Variants in GABBR1 observed in about 807,000 individuals in gnomAD.
GABBR1 encodes GABA-B receptor, R1 subunit.
A neutral mutation model predicts 117.7 loss-of-function variants in GABBR1; 35 were observed. The observed-to-expected ratio is 0.30, with a 90% confidence interval of 0.23 to 0.39. The LOEUF (loss-of-function observed/expected upper bound fraction) is 0.39. GABBR1 is among the 10% of genes least tolerant of loss of function. The probability of loss-of-function intolerance (pLI) is 1.00; values close to 1 mark genes in which losing one functional copy is unlikely to be tolerated. For missense variants in GABBR1, 709 were observed against 1,241.8 expected, an observed-to-expected ratio of 0.57 and a Z score of 6.45; for synonymous variants, 442 against 486.6, an observed-to-expected ratio of 0.91 and a Z score of 1.21.
Position 29,631,283 on chromosome 6 carries a change from T to G in GABBR1, c.289+113A>C. 9.4e-7 allele frequency: 1 copy of G among 1,062,204 alleles called. No homozygotes were observed. Among genetic ancestry groups the G allele is most frequent in the Non-Finnish European group, 1.4e-6 (1 of 710,874 alleles). 65.8% of individuals were successfully genotyped at this position (1,062,204 alleles called of 1,614,324 possible). ...TGTAGTAGTCATTCAATAAATGTAT[T>G]TGTGAATTTTGGTATACTGGATTTA... On this transcript the variant is annotated intron_variant, in intron 3 of 22. Transcript: ENST00000377034. The surrounding 1 kb of genome is among the most constrained non-coding windows in gnomAD (Gnocchi z 5.9).
At position 29,622,407 on chromosome 6, in the gene GABBR1, A is replaced by G; in HGVS notation, c.964-202T>C. On this transcript the variant is annotated intron_variant, in intron 8 of 22. Transcript: ENST00000377034. This position sits in a 1 kb window ranked among gnomAD's most constrained non-coding sequence, Gnocchi z 4.6. Reference sequence around the variant, plus strand: ...CTTAGGATGTGGATTCCAAGTGGGAAGGTGAATGGTGAGCCCCTGCTGAGG... The same window carrying G: ...CTTAGGATGTGGATTCCAAGTGGGAGGGTGAATGGTGAGCCCCTGCTGAGG... 1.7e-6 allele frequency: 1 copy of G among 585,932 alleles called. No individual in the cohort carries two copies. The highest frequency in any genetic ancestry group is 3.0e-6 in the Non-Finnish European group (1 of 328,492). The allele number at this position is 585,932 out of a possible 1,614,324, so 36.3% of individuals were successfully genotyped here. A position where few individuals can be genotyped will look rare whatever the true frequency, so the allele number is the denominator to read the frequency against.
chr6:29,609,129 A>C lies in GABBR1; in HGVS notation c.1859+100T>G. The C allele has an allele frequency of 1.1e-5, 12 of 1,098,580 alleles. No individual in the cohort carries two copies. Among genetic ancestry groups the C allele is most frequent in the Non-Finnish European group, 1.3e-5 (10 of 750,048 alleles). 68.1% of individuals were successfully genotyped at this position (1,098,580 alleles called of 1,614,324 possible). A position where few individuals can be genotyped will look rare whatever the true frequency, so the allele number is the denominator to read the frequency against. Reference sequence around the variant, plus strand: ...GTCAGAATGAAAAACTCCATGATACATGGCCATGGGAGTTACACAGGTTTT... The same window carrying C: ...GTCAGAATGAAAAACTCCATGATACCTGGCCATGGGAGTTACACAGGTTTT... On this transcript the variant is annotated intron_variant, in intron 15 of 22. Transcript: ENST00000377034. This position sits in a 1 kb window ranked among gnomAD's most constrained non-coding sequence, Gnocchi z 4.3.
In GABBR1 at chr6:29,620,766, G is replaced by C. The variant is rs139007459; in HGVS notation, c.1323+335C>G. ...ACAGTGCTCCTGTAAAGGTGTGCTT[G>C]AGTATACAAGCATCCATATTATCAT... is the stretch of plus-strand genomic sequence containing the variant. On this transcript the variant is annotated intron_variant, in intron 11 of 22. Transcript: ENST00000377034. The surrounding 1 kb of genome is among the most constrained non-coding windows in gnomAD (Gnocchi z 4.5). Among the ~76,000 whole-genome samples the C allele has an allele frequency of 2.5e-4, 38 of 152,258 alleles. No homozygotes were observed. Among genetic ancestry groups the C allele is most frequent in the African/African-American group, 8.7e-4 (36 of 41,538 alleles).
intron 11 of GABBR1, among the ~76,000 whole-genome samples, chr6:29,615,648 C>T (rs1024135667): frequency 6.6e-6 from 1 of 150,512 alleles, no homozygotes; most frequent in African/African-American, 2.4e-5. Context: ...GCACAGGGGG[C>T]TCACGCCTGT....
chr6:29,604,109 G>T lies in GABBR1; in HGVS notation c.2712+385C>A, dbSNP rs1162300622. 6.6e-6 allele frequency among the ~76,000 whole-genome samples: 1 copy of T among 152,016 alleles called. No homozygotes were observed. Among genetic ancestry groups the T allele is most frequent in the Non-Finnish European group, 1.5e-5 (1 of 68,002 alleles). On this transcript the variant is annotated intron_variant, in intron 22 of 22. Coordinates refer to ENST00000377034, the MANE Select transcript of GABBR1 (RefSeq NM_001470.4). The surrounding 1 kb of genome is among the most constrained non-coding windows in gnomAD (Gnocchi z 5.3). ...TGGGGCACAGTGAACGCCTGCCCAG[G>T]TCCTTTATGCTGGGGCTGCATGCTA...
chr6:29,621,675 A>T lies in GABBR1; in HGVS notation c.1131+77T>A. On this transcript the variant is annotated intron_variant, in intron 10 of 22. Transcript: ENST00000377034. The surrounding 1 kb of genome is among the most constrained non-coding windows in gnomAD (Gnocchi z 5.0). ...TCATATGCTATCAACTCAGGCACAG[A>T]TGCCAAGAGGAGGCCCCACAAGAAA... is the stretch of plus-strand genomic sequence containing the variant. 7.9e-7 allele frequency: 1 copy of T among 1,260,656 alleles called. No homozygotes were observed. Among genetic ancestry groups the T allele is most frequent in the Non-Finnish European group, 1.2e-6 (1 of 858,926 alleles). 78.1% of individuals were successfully genotyped at this position (1,260,656 alleles called of 1,614,324 possible).
At chr6:29,628,434 T>G (rs892598979) in intron 5 of GABBR1, among the ~76,000 whole-genome samples, 1 of 150,752 alleles carries the variant, frequency 6.6e-6, no homozygotes, top group Non-Finnish European at 1.5e-5. Context: ...GTCGATACAG[T>G]GAAGCACTGA....
At position 29,628,104 on chromosome 6, in the gene GABBR1, G is replaced by T. The variant is rs1395769151; in HGVS notation, c.497-458C>A. 191 of 319,900 alleles carry T rather than the reference G, an allele frequency of 6.0e-4. 1 individual carries two copies. Among genetic ancestry groups the T allele is most frequent in the Non-Finnish European group, 7.1e-4 (167 of 234,294 alleles). The allele number at this position is 319,900 out of a possible 1,614,324, so 19.8% of individuals were successfully genotyped here. ...CGGGCGGCGCGCGGCAGCGGGGGGT[G>T]GGGGGGCGGGCGGGAGCTGGGGAGG... On this transcript the variant is annotated intron_variant, in intron 5 of 22. Coordinates refer to ENST00000377034, the MANE Select transcript of GABBR1 (RefSeq NM_001470.4).
chr6:29,627,474 GT>G lies in GABBR1; in HGVS notation c.657+11del. ...GCCCCCACCTCCCACCCACCCCCAT[GT>G]CCAGGGCTACCTTGCTGTCGTGGTG... is the stretch of plus-strand genomic sequence containing the variant. On this transcript the variant is annotated intron_variant, in intron 6 of 22. Coordinates refer to ENST00000377034, the MANE Select transcript of GABBR1 (RefSeq NM_001470.4). This position sits in a 1 kb window ranked among gnomAD's most constrained non-coding sequence, Gnocchi z 4.4. 1 of 965,038 alleles carries G rather than the reference GT, an allele frequency of 1.0e-6. No homozygotes were observed. Among genetic ancestry groups the G allele is most frequent in the Non-Finnish European group, 1.5e-6 (1 of 660,844 alleles). The allele number at this position is 965,038 out of a possible 1,614,324, so 59.8% of individuals were successfully genotyped here. A position where few individuals can be genotyped will look rare whatever the true frequency, so the allele number is the denominator to read the frequency against.
intron 11 of GABBR1, among the ~76,000 whole-genome samples, chr6:29,616,671 C>T (rs114536520): frequency 0.028 from 4,213 of 149,842 alleles, 95 homozygotes; most frequent in Non-Finnish European, 0.042. Flanking sequence ...GGCAACAGAG[C>T]AAGACTCTAT....
chr6:29,629,002 C>G, intron 5 of GABBR1, 85 bp downstream of exon 5: 1 of 1,537,784 alleles, frequency 6.5e-7, no homozygotes. Flanking sequence ...GCCCCGTAGC[C>G]TAAGGGCAGA....
chr6:29,626,406 G>A (rs1301750296), intron 6 of GABBR1, among the ~76,000 whole-genome samples: 4 of 151,718 alleles, frequency 2.6e-5, no homozygotes, highest in Non-Finnish European at 4.4e-5. Context: ...AAGTCTCTGG[G>A]GCCACATGTC....
chr6:29,632,246 C>G lies in GABBR1; in HGVS notation c.85+55G>C, dbSNP rs1438220110. 4 of 1,040,022 alleles carry G rather than the reference C, an allele frequency of 3.8e-6. No individual in the cohort carries two copies. The highest frequency in any genetic ancestry group is 5.3e-6 in the Non-Finnish European group (4 of 755,772). 64.4% of individuals were successfully genotyped at this position (1,040,022 alleles called of 1,614,324 possible). ...GATGAGGACCAGAAATGAGGAGATG[C>G]AGGGAAAGGGAAGTGGAGCGAAGGA... On this transcript the variant is annotated intron_variant, in intron 2 of 22. Transcript: ENST00000377034. The surrounding 1 kb of genome is among the most constrained non-coding windows in gnomAD (Gnocchi z 5.8).
At chr6:29,615,992 C>G (rs1034274296) in intron 11 of GABBR1, among the ~76,000 whole-genome samples, 2 of 151,184 alleles carry the variant, frequency 1.3e-5, no homozygotes, top group Non-Finnish European at 3.0e-5. Context: ...ACCTGAGGTC[C>G]GGAGTTCGAG....
At position 29,631,083 on chromosome 6, in the gene GABBR1, T is replaced by G. The variant is rs1164759527; in HGVS notation, c.289+313A>C. Among the ~76,000 whole-genome samples, 1 of 152,178 alleles carries G rather than the reference T, an allele frequency of 6.6e-6. No homozygotes were observed. Among genetic ancestry groups the G allele is most frequent in the Admixed American group, 6.5e-5 (1 of 15,288 alleles). On this transcript the variant is annotated intron_variant, in intron 3 of 22. Transcript: ENST00000377034. The surrounding 1 kb of genome is among the most constrained non-coding windows in gnomAD (Gnocchi z 5.9). ...GGTATTCAAAAATGTGATGAAATCA[T>G]TTTAGAATTTTTTTGTCATCATCTG...
In GABBR1 at chr6:29,630,648, G is replaced by A; in HGVS notation, c.290-5C>T. 6.3e-7 allele frequency: 1 copy of A among 1,598,226 alleles called. No individual in the cohort carries two copies. Among genetic ancestry groups the A allele is most frequent in the African/African-American group, 1.3e-5 (1 of 74,742 alleles). ...AAGACTTGGAGCAGATTCGGACTGT[G>A]GAGAGATAGGAAAATAAGAAGAGAG... is the stretch of plus-strand genomic sequence containing the variant. On this transcript the variant is annotated splice_region_variant and splice_polypyrimidine_tract_variant and intron_variant, in intron 3 of 22. Coordinates refer to ENST00000377034, the MANE Select transcript of GABBR1 (RefSeq NM_001470.4). This position sits in a 1 kb window ranked among gnomAD's most constrained non-coding sequence, Gnocchi z 4.9.
rs1257177278 is a variant in GABBR1, at chr6:29,611,891, TCTAA to T, written c.1630+656_1630+659del. Among the ~76,000 whole-genome samples, 1 of 151,960 alleles carries T rather than the reference TCTAA, an allele frequency of 6.6e-6. No individual in the cohort carries two copies. Among genetic ancestry groups the T allele is most frequent in the Non-Finnish European group, 1.5e-5 (1 of 67,994 alleles). ...TTCTCCTAGATTCAGCTTTCTTGAG[TCTAA>T]CTGACAGGTCATCAACCTCTCAACC... is the stretch of plus-strand genomic sequence containing the variant. On this transcript the variant is annotated intron_variant, in intron 13 of 22. Coordinates refer to ENST00000377034, the MANE Select transcript of GABBR1 (RefSeq NM_001470.4). This position sits in a 1 kb window ranked among gnomAD's most constrained non-coding sequence, Gnocchi z 4.6.
Position 29,630,600 on chromosome 6 carries a change from C to T in GABBR1, c.333G>A (p.Lys111=), listed in dbSNP as rs1188580025. ...GGAGGTCCCCACCCGTCAGGAAAAC[C>T]TTCCCATTTTCCAGGGTCAAATAAG... ...SKSYLTLENG[K]VFLTGGDLPA... The change falls in exon 4 of 23, where the codon AAG becomes AAA. Residue 111 remains lysine, a synonymous_variant. Transcript: ENST00000377034. This position sits in a 1 kb window ranked among gnomAD's most constrained non-coding sequence, Gnocchi z 4.9. 1.9e-6 allele frequency: 3 copies of T among 1,612,996 alleles called. No individual in the cohort carries two copies. The highest frequency in any genetic ancestry group is 2.5e-6 in the Non-Finnish European group (3 of 1,179,940).
In GABBR1 at chr6:29,603,613, G is replaced by A; in HGVS notation, c.2816C>T (p.Pro939Leu). 1 of 1,571,640 alleles carries A rather than the reference G, an allele frequency of 6.4e-7. No individual in the cohort carries two copies. The highest frequency in any genetic ancestry group is 1.9e-5 in the Admixed American group (1 of 52,166). The change falls in exon 23 of 23, where the codon CCC (proline) becomes CTC (leucine). Residue 939 changes from proline to leucine, a missense_variant. By Grantham distance (98) the Pro-to-Leu change is moderately conservative. Transcript: ENST00000377034. ...PTPPEPSGGL[P>L]RGPPEPPDRL... is the part of the protein sequence containing the mutation. Reference sequence around the variant, plus strand: ...GTCGGGGGGCTCAGGGGGTCCCCTGGGCAGGCCCCCAGAGGGTTCTGGGGG... The same window carrying A: ...GTCGGGGGGCTCAGGGGGTCCCCTGAGCAGGCCCCCAGAGGGTTCTGGGGG...
Sources: gnomAD v4.1 joint callset for allele counts (sites outside exome capture counted in the v4.1 genomes callset) on GRCh38, gnomAD v4.1.1 for gene constraint, Gnocchi (gnomAD v3.1) non-coding constraint, MANE v1.5 for transcripts, NCBI Gene and HGNC (gene_info 2026-07-23, HGNC 2026-07-21) for gene names.